Variants in CFAP298 observed in about 807,000 individuals in gnomAD.
CFAP298 encodes the protein cilia- and flagella-associated protein 298.
A neutral mutation model predicts 41.0 loss-of-function variants in CFAP298; 38 were observed. The ratio of observed to expected loss-of-function variants is 0.93; its 90% CI spans 0.72 to 1.22. The LOEUF is 1.22. Among genes scored for constraint, CFAP298 ranks in the 50% most tolerant of loss-of-function variants. The pLI, the probability that CFAP298 is intolerant of heterozygous loss-of-function variation, is 0.00. For synonymous variants in CFAP298, 137 were observed against 135.3 expected, an observed-to-expected ratio of 1.01 and a Z score of -0.09; for missense variants, 348 against 360.3, an observed-to-expected ratio of 0.97 and a Z score of 0.28.
intron 5 of CFAP298, chr21:32,602,939 TC>T: frequency 2.8e-6 from 3 of 1,086,400 alleles, no homozygotes; most frequent in African/African-American, 1.6e-5. Flanking sequence ...ATATTTCCTC[TC>T]CCCCACATAT....
rs1164681219 is a variant in CFAP298, at chr21:32,601,293, T to A, written c.*570A>T. On this transcript the variant is annotated 3_prime_UTR_variant, in exon 7 of 7. Transcript: ENST00000290155. ...AGGAAGAAAAAAAAGTGTAGCTTTT[T>A]TTTTTTTTTTTTTTTTTTTTGAGAC... is the stretch of plus-strand genomic sequence containing the variant. 7.3e-6 allele frequency among the ~76,000 whole-genome samples: 1 copy of A among 136,410 alleles called. No homozygotes were observed. Among genetic ancestry groups the A allele is most frequent in the African/African-American group, 2.9e-5 (1 of 34,492 alleles). 89.5% of individuals were successfully genotyped at this position (136,410 alleles called of 152,430 possible).
chr21:32,612,146 C>T lies in CFAP298; in HGVS notation c.98G>A (p.Arg33Gln). The T allele has an allele frequency of 3.2e-6, 5 of 1,576,740 alleles. No individual in the cohort carries two copies. The highest frequency in any genetic ancestry group is 4.3e-6 in the Non-Finnish European group (5 of 1,161,654). Residue 33 changes from arginine (R) to glutamine (Q), a missense_variant, in exon 1 of 7, where the codon CGG (arginine) becomes CAG (glutamine). Arg to Gln is a conservative substitution (Grantham distance 43). Coordinates refer to ENST00000290155, the MANE Select transcript of CFAP298 (RefSeq NM_021254.4). The stretch of plus-strand genomic sequence containing the variant: ...CACCTTGAGCCGCCCATTATAGACC[C>T]GGGCCACCTGCACCGTGAGCTCCTC... ...ELEELTVQVA[R>Q]VYNGRLKVQR... is the part of the protein sequence containing the mutation.
At chr21:32,605,011 T>C (rs1187403350) in intron 3 of CFAP298, among the ~76,000 whole-genome samples, 2 of 152,222 alleles carry the variant, frequency 1.3e-5, no homozygotes, top group Non-Finnish European at 2.9e-5. Context: ...AAGCCCTGTC[T>C]CTACTAAAAA....
chr21:32,609,938 C>G lies in CFAP298; in HGVS notation c.207G>C (p.Gln69His). 1.2e-6 allele frequency: 2 copies of G among 1,614,098 alleles called. No individual in the cohort carries two copies. The highest frequency in any genetic ancestry group is 1.7e-6 in the Non-Finnish European group (2 of 1,179,952). Residue 69 changes from glutamine (Q) to histidine (H), a missense_variant, in exon 2 of 7, where the codon CAG becomes CAC. Coordinates refer to ENST00000290155, the MANE Select transcript of CFAP298 (RefSeq NM_021254.4). ...PPNMQGLTDD[Q>H]IEELKLKDEW... is the part of the protein sequence containing the mutation. ...CATCCTTCAATTTCAATTCTTCAAT[C>G]TGATCATCGGTCAGTCCTTGCATAT... is the stretch of plus-strand genomic sequence containing the variant.
chr21:32,607,794 T>A, intron 2 of CFAP298, 78 bp from the exon 3 acceptor site: 1 of 854,680 alleles, frequency 1.2e-6, no homozygotes, highest in Non-Finnish European at 1.9e-6. Flanking sequence ...ATCCCCTCTG[T>A]CTGAGTCAGG....
chr21:32,612,093 C>A lies in CFAP298; in HGVS notation c.139+12G>T. On this transcript the variant is annotated intron_variant, in intron 1 of 6. Transcript: ENST00000290155. Reference sequence around the variant, plus strand: ...TCGATCTGTCCGGGATGGGCCCACCCGCGAGCCGCACCTGAGCAGAGGCGC... The same window carrying A: ...TCGATCTGTCCGGGATGGGCCCACCAGCGAGCCGCACCTGAGCAGAGGCGC... 6.5e-7 allele frequency: 1 copy of A among 1,545,362 alleles called. No individual in the cohort carries two copies. Among genetic ancestry groups the A allele is most frequent in the Non-Finnish European group, 8.7e-7 (1 of 1,145,368 alleles).
rs1375449786 is a variant in CFAP298, at chr21:32,603,169, T to C, written c.658A>G (p.Ile220Val). Residue 220 changes from isoleucine to valine, a missense_variant, in exon 5 of 7, where the codon ATT becomes GTT. Ile to Val is a conservative substitution (Grantham distance 29). Coordinates refer to ENST00000290155, the MANE Select transcript of CFAP298 (RefSeq NM_021254.4). ...KNEKTKIIAK[I>V]QQRGQGAPAR... is the part of the protein sequence containing the mutation. The stretch of plus-strand genomic sequence containing the variant: ...AAGCAAAAAGTACTTACTTGCTGAA[T>C]CTTGGCGATAATTTTGGTTTTTTCA... 1 of 1,614,232 alleles carries C rather than the reference T, an allele frequency of 6.2e-7. No individual in the cohort carries two copies. The highest frequency in any genetic ancestry group is 8.5e-7 in the Non-Finnish European group (1 of 1,180,036).
Position 32,606,955 on chromosome 21 carries a change from T to C in CFAP298, c.375+694A>G, listed in dbSNP as rs537020237. ...AGACAATTACAAAAAACCATTTATA[T>C]CAAATACATATTAAGTCAATCAAGT... On this transcript the variant is annotated intron_variant, in intron 3 of 6. Transcript: ENST00000290155. Among the ~76,000 whole-genome samples the C allele has an allele frequency of 9.2e-5, 14 of 152,306 alleles. No individual in the cohort carries two copies. In the South Asian group the frequency reaches 2.9e-3, roughly 32 times the overall value.
rs1287870385 is a variant in CFAP298, at chr21:32,599,699, G to A, written c.*2164C>T. ...ACCTTGGGTGAGTCAGCAAGTGGAT[G>A]CAAAGGGAACACACACAGCACGGTG... On this transcript the variant is annotated 3_prime_UTR_variant, in exon 7 of 7. Coordinates refer to ENST00000290155, the MANE Select transcript of CFAP298 (RefSeq NM_021254.4). Among the ~76,000 whole-genome samples the A allele has an allele frequency of 6.6e-6, 1 of 152,196 alleles. No individual in the cohort carries two copies. Among genetic ancestry groups the A allele is most frequent in the Non-Finnish European group, 1.5e-5 (1 of 68,038 alleles).
Position 32,602,052 on chromosome 21 carries a change from T to C in CFAP298, c.763-79A>G, listed in dbSNP as rs1314709918. 1.2e-5 allele frequency: 12 copies of C among 980,330 alleles called. 1 individual carries two copies. Among genetic ancestry groups the C allele is most frequent in the African/African-American group, 8.0e-5 (5 of 62,808 alleles). 60.7% of individuals were successfully genotyped at this position (980,330 alleles called of 1,614,324 possible). On this transcript the variant is annotated intron_variant, in intron 6 of 6. Coordinates refer to ENST00000290155, the MANE Select transcript of CFAP298 (RefSeq NM_021254.4). Reference sequence around the variant, plus strand: ...ATAAAGAGACTGAAGAAAGAGTCCATGACTGACCTCCCCCTCTCCCTGCCC... The same window carrying C: ...ATAAAGAGACTGAAGAAAGAGTCCACGACTGACCTCCCCCTCTCCCTGCCC...
Position 32,603,176 on chromosome 21 carries a change from G to A in CFAP298, c.651C>T (p.Ile217=), listed in dbSNP as rs200260201. 1.8e-4 allele frequency: 293 copies of A among 1,614,192 alleles called. 2 individuals are homozygous for A. The Middle Eastern group carries it at 2.1e-3, about 12-fold the overall frequency. The change falls in exon 5 of 7, where the codon ATC becomes ATT. Residue 217 remains isoleucine, a synonymous_variant. Coordinates refer to ENST00000290155, the MANE Select transcript of CFAP298 (RefSeq NM_021254.4). ...AAGTACTTACTTGCTGAATCTTGGC[G>A]ATAATTTTGGTTTTTTCATTCTTCC... is the stretch of plus-strand genomic sequence containing the variant. The part of the protein sequence containing the change: ...YVGKNEKTKI[I]AKIQQRGQGA...
At position 32,600,547 on chromosome 21, in the gene CFAP298, C is replaced by T. The variant is rs2038718283; in HGVS notation, c.*1316G>A. Among the ~76,000 whole-genome samples the T allele has an allele frequency of 6.9e-6, 1 of 145,686 alleles. No homozygotes were observed. The highest frequency in any genetic ancestry group is 2.6e-5 in the African/African-American group (1 of 38,328). On this transcript the variant is annotated 3_prime_UTR_variant, in exon 7 of 7. Transcript: ENST00000290155. ...TTCCCTCTAACCAGGAGAACAGGAC[C>T]CTAGGCACCAAAAGTCAAGCATGAG...
rs747161389 is a variant in CFAP298 at position 32,609,906 on chromosome 21, C to A, written c.239G>T (p.Gly80Val). Residue 80 changes from glycine to valine, a missense_variant, in exon 2 of 7, where the codon GGT becomes GTT. Gly to Val is a moderately radical substitution (Grantham distance 109). Coordinates refer to ENST00000290155, the MANE Select transcript of CFAP298 (RefSeq NM_021254.4). ...ACCTCCGCTGGGTACGCATTTTTCA[C>A]CCCATTCATCCTTCAATTTCAATTC... Reference protein sequence around the residue: ...IEELKLKDEWGEKCVPSGGAV... With the variant: ...IEELKLKDEWVEKCVPSGGAV... 6.2e-7 allele frequency: 1 copy of A among 1,614,156 alleles called. No individual in the cohort carries two copies. Among genetic ancestry groups the A allele is most frequent in the Non-Finnish European group, 8.5e-7 (1 of 1,180,000 alleles).
Position 32,601,824 on chromosome 21 carries a change from T to C in CFAP298, c.*39A>G, listed in dbSNP as rs1015876558. 2 of 1,043,210 alleles carry C rather than the reference T, an allele frequency of 1.9e-6. No homozygotes were observed. Among genetic ancestry groups the C allele is most frequent in the Non-Finnish European group, 3.0e-6 (2 of 672,198 alleles). The allele number at this position is 1,043,210 out of a possible 1,614,324, so 64.6% of individuals were successfully genotyped here. ...AAATTATAATTGCCTAGGAGAAAGG[T>C]GAGCTAATCTCTTTGGAAGTGTCAT... On this transcript the variant is annotated 3_prime_UTR_variant, in exon 7 of 7. Coordinates refer to ENST00000290155, the MANE Select transcript of CFAP298 (RefSeq NM_021254.4).
At position 32,607,685 on chromosome 21, in the gene CFAP298, CT is replaced by C; in HGVS notation, c.338del (p.Lys113ArgfsTer4). On this transcript the variant is annotated frameshift_variant, in exon 3 of 7. Transcript: ENST00000290155. LOFTEE classifies it high-confidence loss of function. ...TTGCTTTGGCTTCTTCTATAGTCTT[CT>C]TTAACACTTGCTTCATCTTCTCATT... ...APNEKMKQVL[K>X]KTIEEAKAII... 6.3e-7 allele frequency: 1 copy of C among 1,598,968 alleles called. No individual in the cohort carries two copies.
At chr21:32,606,235 C>G (rs749130634) in intron 3 of CFAP298, among the ~76,000 whole-genome samples, 3 of 152,048 alleles carry the variant, frequency 2.0e-5, no homozygotes, top group Non-Finnish European at 2.9e-5. Flanking sequence ...TCAGATAGAA[C>G]CATCTCACAA....
intron 3 of CFAP298, among the ~76,000 whole-genome samples, chr21:32,607,019 C>T (rs1055469810): frequency 2.0e-5 from 3 of 152,138 alleles, no homozygotes; most frequent in Non-Finnish European, 4.4e-5. Context: ...ATTCAAATCT[C>T]CCCTACTTAA....
intron 3 of CFAP298, among the ~76,000 whole-genome samples, chr21:32,605,588 T>C (rs996354511): frequency 2.6e-5 from 4 of 152,202 alleles, no homozygotes; most frequent in African/African-American, 7.2e-5. Context: ...CCAGACATCA[T>C]GGCTCAGTGA....
At chr21:32,603,403 A>G (rs944774324) in intron 4 of CFAP298, 111 bp from the exon 5 acceptor site, 1 of 1,190,034 alleles carries the variant, frequency 8.4e-7, no homozygotes, top group African/African-American at 1.5e-5. Context: ...CGTGCTCACC[A>G]TGGGAGGCCT....
Sources: gnomAD v4.1 joint callset for allele counts (sites outside exome capture counted in the v4.1 genomes callset) on GRCh38, gnomAD v4.1.1 for gene constraint, MANE v1.5 for transcripts, NCBI Gene and HGNC (gene_info 2026-07-23, HGNC 2026-07-21) for gene names.